Variants in CD6 observed in about 807,000 individuals in gnomAD.
CD6 encodes T-cell differentiation antigen CD6.
A neutral mutation model predicts 75.3 loss-of-function variants in CD6; 53 were observed. The ratio of observed to expected loss-of-function variants is 0.70; its 90% CI spans 0.56 to 0.88. The LOEUF is 0.88. Among genes scored for constraint, CD6 ranks in the 40% least tolerant of loss-of-function variants. CD6 has a pLI of 0.00. For missense variants in CD6, 770 were observed against 897.1 expected (o/e 0.86, Z 1.81); for synonymous variants, 359 against 381.5 (o/e 0.94, Z 0.69).
In CD6 at chr11:61,015,787, C is replaced by T; in HGVS notation, c.1462C>T (p.His488Tyr). 6.2e-7 allele frequency: 1 copy of T among 1,614,214 alleles called. No homozygotes were observed. The highest frequency in any genetic ancestry group is 1.6e-4 in the Middle Eastern group (1 of 6,062). Residue 488 changes from histidine (H) to tyrosine (Y), a missense_variant, in exon 9 of 13, where the codon CAC becomes TAC. Coordinates refer to ENST00000313421, the MANE Select transcript of CD6 (RefSeq NM_006725.5). Reference protein sequence around the residue: ...SDSGSDSDYEHYDFSAQPPVA... With the variant: ...SDSGSDSDYEYYDFSAQPPVA... ...CTCTGGCTCGGACTCAGACTATGAGCACTATGACTTCAGCGCCCAGCCTCC... is the reference window on the plus strand; with the variant it reads ...CTCTGGCTCGGACTCAGACTATGAGTACTATGACTTCAGCGCCCAGCCTCC...
chr11:61,014,505 T>C (rs1294221665), intron 8 of CD6, among the ~76,000 whole-genome samples: 1 of 152,114 alleles, frequency 6.6e-6, no homozygotes, highest in African/African-American at 2.4e-5. Flanking sequence ...GAACCTGAGG[T>C]GGGCAGATCA....
chr11:61,017,781 C>G lies in CD6; in HGVS notation c.1605C>G (p.Ser535=). 6.2e-7 allele frequency: 1 copy of G among 1,614,108 alleles called. No homozygotes were observed. Among genetic ancestry groups the G allele is most frequent in the Non-Finnish European group, 8.5e-7 (1 of 1,180,026 alleles). Reference sequence around the variant, plus strand: ...TAGGACTTGAAGAGTTGCATGCCTCCCACATCCCAACTGCCAACCCTGGAC... The same window carrying G: ...TAGGACTTGAAGAGTTGCATGCCTCGCACATCCCAACTGCCAACCCTGGAC... ...LEEGLEELHA[S]HIPTANPGHC... The change falls in exon 11 of 13, where the codon TCC becomes TCG. Residue 535 remains serine, a synonymous_variant. Transcript: ENST00000313421.
At chr11:61,012,964 C>T (rs1859216279) in intron 6 of CD6, among the ~76,000 whole-genome samples, 1 of 152,188 alleles carries the variant, frequency 6.6e-6, no homozygotes, top group Non-Finnish European at 1.5e-5. Context: ...CCCCCAGTGT[C>T]GCTGTTCAAA....
intron 1 of CD6, among the ~76,000 whole-genome samples, chr11:60,994,215 G>C (rs547987700): frequency 9.2e-5 from 14 of 152,078 alleles, no homozygotes; most frequent in Admixed American, 2.0e-4. Context: ...CTGAGGCAGG[G>C]GGATTGCTTG....
At chr11:60,998,028 G>A (rs191971457) in intron 1 of CD6, among the ~76,000 whole-genome samples, 57 of 152,280 alleles carry the variant, frequency 3.7e-4, no homozygotes, top group Non-Finnish European at 6.8e-4. Context: ...GCCCACTTCC[G>A]TGATGATAAA....
intron 8 of CD6, among the ~76,000 whole-genome samples, chr11:61,014,781 T>C (rs1859326192): frequency 6.6e-6 from 1 of 151,918 alleles, no homozygotes; most frequent in African/African-American, 2.4e-5. Context: ...CTTTATGATA[T>C]ATGGATTTAT....
intron 1 of CD6, among the ~76,000 whole-genome samples, chr11:61,005,302 G>C (rs1467029103): frequency 6.6e-6 from 1 of 152,220 alleles, no homozygotes; most frequent in African/African-American, 2.4e-5. Flanking sequence ...TCAAGGAGAG[G>C]TCACCTTGAA....
intron 1 of CD6, among the ~76,000 whole-genome samples, chr11:60,987,714 T>C (rs1474367867): frequency 2.2e-5 from 3 of 139,280 alleles, no homozygotes; most frequent in Non-Finnish European, 3.2e-5. Flanking sequence ...TGGAAAGAGG[T>C]ATCTTTCCAT....
chr11:61,005,349 C>A (rs899050105), intron 1 of CD6, among the ~76,000 whole-genome samples: 1 of 152,154 alleles, frequency 6.6e-6, no homozygotes, highest in East Asian at 1.9e-4. Flanking sequence ...ACAGCCTACC[C>A]GAGGGACCTC....
chr11:61,017,396 C>T lies in CD6; in HGVS notation c.1511-83C>T, dbSNP rs530644963. On this transcript the variant is annotated intron_variant, in intron 9 of 12. Transcript: ENST00000313421. Reference sequence around the variant, plus strand: ...CCCACCCTATTCAGCCTACCCAGGCCCCGGGAAATCCAGCCTCTTCTCCAG... The same window carrying T: ...CCCACCCTATTCAGCCTACCCAGGCTCCGGGAAATCCAGCCTCTTCTCCAG... 1.9e-4 allele frequency: 214 copies of T among 1,099,610 alleles called. No individual in the cohort carries two copies. In the African/African-American group the frequency reaches 2.6e-3, roughly 14 times the overall value. The allele number at this position is 1,099,610 out of a possible 1,614,324, so 68.1% of individuals were successfully genotyped here. A position where few individuals can be genotyped will look rare whatever the true frequency, so the allele number is the denominator to read the frequency against.
In CD6 at chr11:61,013,364, C is replaced by G. The variant is rs150164921; in HGVS notation, c.1151-59C>G. 1.5e-5 allele frequency: 23 copies of G among 1,583,822 alleles called. No homozygotes were observed. The East Asian group carries it at 2.2e-4, about 15-fold the overall frequency. Reference sequence around the variant, plus strand: ...GTCAGCTTTACAGAGAATGGAAAGGCAAGAAGAAGGGTGAGTGCCCATTCC... The same window carrying G: ...GTCAGCTTTACAGAGAATGGAAAGGGAAGAAGAAGGGTGAGTGCCCATTCC... On this transcript the variant is annotated intron_variant, in intron 6 of 12. Coordinates refer to ENST00000313421, the MANE Select transcript of CD6 (RefSeq NM_006725.5).
At chr11:60,978,269 G>A (rs79626160) in intron 1 of CD6, among the ~76,000 whole-genome samples, 4,104 of 152,274 alleles carry the variant, frequency 0.027, 71 homozygotes, top group South Asian at 0.061. Flanking sequence ...GACGCTGACT[G>A]CTCTGCAGCC....
intron 1 of CD6, among the ~76,000 whole-genome samples, chr11:60,997,135 G>C (rs1267663237): frequency 6.6e-6 from 1 of 152,108 alleles, no homozygotes; most frequent in Non-Finnish European, 1.5e-5. Context: ...CAGCACTTTG[G>C]GAGGCCAAAG....
At chr11:61,010,940 G>A (rs547006718) in intron 5 of CD6, 130 bp from the exon 6 acceptor site, 18 of 754,370 alleles carry the variant, frequency 2.4e-5, no homozygotes, top group Middle Eastern at 3.2e-4. Context: ...CCTTAGCCAC[G>A]TGTCCCTGAT....
chr11:60,999,619 T>A (rs1391312705), intron 1 of CD6, among the ~76,000 whole-genome samples: 2 of 151,934 alleles, frequency 1.3e-5, no homozygotes, highest in African/African-American at 2.4e-5. Flanking sequence ...CCCTGTAAAT[T>A]TTTTTTTGGC....
At chr11:60,984,803 G>T (rs953192078) in intron 1 of CD6, among the ~76,000 whole-genome samples, 3 of 152,198 alleles carry the variant, frequency 2.0e-5, no homozygotes, top group Non-Finnish European at 4.4e-5. Flanking sequence ...GGACATTCCC[G>T]TCAGGGGGAG....
intron 1 of CD6, among the ~76,000 whole-genome samples, chr11:60,998,968 G>T (rs992715042): frequency 2.0e-5 from 3 of 152,066 alleles, no homozygotes; most frequent in Non-Finnish European, 2.9e-5. Flanking sequence ...AGACCAGCCT[G>T]GCCAACATCG....
chr11:60,977,321 G>A (rs117129716), intron 1 of CD6, among the ~76,000 whole-genome samples: 4,774 of 149,736 alleles, frequency 0.032, 113 homozygotes, highest in Middle Eastern at 0.13. Flanking sequence ...CCTCCCAGGT[G>A]CGTGGCCATC....
rs11461659 is a variant in CD6 at position 61,005,931 on chromosome 11, CA to C, written c.50-630del. Among the ~76,000 whole-genome samples the C allele has an allele frequency of 1.6e-3, 216 of 137,870 alleles. 1 individual carries two copies. Among genetic ancestry groups the C allele is most frequent in the African/African-American group, 3.8e-3 (134 of 35,568 alleles). 90.4% of individuals were successfully genotyped at this position (137,870 alleles called of 152,430 possible). A position where few individuals can be genotyped will look rare whatever the true frequency, so the allele number is the denominator to read the frequency against. On this transcript the variant is annotated intron_variant, in intron 1 of 12. Transcript: ENST00000313421. ...GGGCAACAAGAGCGAAACTCTGTCTCAAAAAAAAAAAAAGAAAGAAAGAAAG... is the reference window on the plus strand; with the variant it reads ...GGGCAACAAGAGCGAAACTCTGTCTCAAAAAAAAAAAAGAAAGAAAGAAAG...
Sources: allele counts gnomAD v4.1 joint callset (sites outside exome capture counted in the v4.1 genomes callset), GRCh38; gene constraint gnomAD v4.1.1; transcripts MANE v1.5; gene names NCBI Gene and HGNC (gene_info 2026-07-23, HGNC 2026-07-21).